ATF5: variants seen among roughly 807,000 people sequenced by gnomAD.
ATF5 encodes the protein cyclic AMP-dependent transcription factor ATF-5.
A neutral mutation model predicts 4.6 loss-of-function variants in ATF5; 6 were observed. The observed-to-expected ratio is 1.31, with a 90% CI of 0.72 to 2.59. ATF5 has a LOEUF of 2.59. Among genes scored for constraint, ATF5 ranks in the 30% most tolerant of loss-of-function variants. ATF5 has a pLI of 0.00. For synonymous variants in ATF5, 193 were observed against 165.0 expected, an observed-to-expected ratio of 1.17 and a Z score of -1.30; for missense variants, 410 against 368.7, an observed-to-expected ratio of 1.11 and a Z score of -0.92.
In ATF5 at chr19:49,929,513, G is replaced by C. The variant is rs543277763; in HGVS notation, c.-120+113G>C. The C allele has an allele frequency of 2.0e-5, 3 of 152,586 alleles. 1 individual carries two copies. The East Asian group carries it at 5.8e-4, about 29-fold the overall frequency. The allele number at this position is 152,586 out of a possible 1,614,324, so 9.5% of individuals were successfully genotyped here. Reference sequence around the variant, plus strand: ...GTCGCGAGCGGGGAATCACGGTCGCGCAGGCGCAGAAGTAGTACGGTGGGC... The same window carrying C: ...GTCGCGAGCGGGGAATCACGGTCGCCCAGGCGCAGAAGTAGTACGGTGGGC... On this transcript the variant is annotated intron_variant, in intron 1 of 2. Transcript: ENST00000423777.
chr19:49,931,386 G>A (rs2076061156), intron 2 of ATF5, among the ~76,000 whole-genome samples: 1 of 152,162 alleles, frequency 6.6e-6, no homozygotes, highest in Non-Finnish European at 1.5e-5. Context: ...AGCCAGGCAT[G>A]ATGGCCTGTA....
At position 49,932,585 on chromosome 19, in the gene ATF5, C is replaced by T. The variant is rs750367144; in HGVS notation, c.342C>T (p.Asp114=). ...AGAAGGAGCTGGAACAGATGGAAGA[C>T]TTCTTCCTAGATGCCCCGCCCCTCC... ...LLKKELEQME[D]FFLDAPPLPP... is the part of the protein sequence containing the mutation. The change falls in exon 3 of 3, where the codon GAC becomes GAT. Residue 114 remains aspartate (D), a synonymous_variant. Transcript: ENST00000423777. 7 of 1,587,124 alleles carry T rather than the reference C, an allele frequency of 4.4e-6. No individual in the cohort carries two copies. Among genetic ancestry groups the T allele is most frequent in the Non-Finnish European group, 6.0e-6 (7 of 1,169,596 alleles).
intron 1 of ATF5, chr19:49,930,491 C>T: frequency 4.7e-6 from 1 of 212,872 alleles, no homozygotes. Context: ...AGGGGTGGGG[C>T]ATCGGTCCTA....
At chr19:49,931,286 A>C in intron 2 of ATF5, 1 of 405,564 alleles carries the variant, frequency 2.5e-6, no homozygotes, top group Non-Finnish European at 4.3e-6. Context: ...GAGCTACAAA[A>C]TGACAAAGGG....
In ATF5 at chr19:49,932,531, T is replaced by G. The variant is rs767624471; in HGVS notation, c.288T>G (p.Pro96=). 14 of 1,090,646 alleles carry G rather than the reference T, an allele frequency of 1.3e-5. No individual in the cohort carries two copies. Among genetic ancestry groups the G allele is most frequent in the Non-Finnish European group, 1.2e-6 (1 of 856,456 alleles). The allele number at this position is 1,090,646 out of a possible 1,614,324, so 67.6% of individuals were successfully genotyped here. The change falls in exon 3 of 3, where the codon CCT becomes CCG. Residue 96 remains proline (P), a synonymous_variant. Coordinates refer to ENST00000423777, the MANE Select transcript of ATF5 (RefSeq NM_001193646.2). ...TCCCCCAACCTTCCCCAACCCCACC[T>G]GACCTGGAAGCTATGGCCTCCCTCC... ...GTLPQPSPTP[P]DLEAMASLLK...
intron 1 of ATF5, 199 bp downstream of exon 1, chr19:49,929,599 C>G (rs2076018773): frequency 6.6e-6 from 1 of 151,794 alleles, no homozygotes; most frequent in African/African-American, 2.4e-5. Flanking sequence ...GTTCTAGACT[C>G]GATGTTTGTC....
chr19:49,930,714 C>G lies in ATF5; in HGVS notation c.-119-18C>G, dbSNP rs1243216925. 4.4e-6 allele frequency: 3 copies of G among 682,598 alleles called. No individual in the cohort carries two copies. The highest frequency in any genetic ancestry group is 7.0e-6 in the Non-Finnish European group (3 of 430,208). The allele number at this position is 682,598 out of a possible 1,614,324, so 42.3% of individuals were successfully genotyped here. On this transcript the variant is annotated intron_variant, in intron 1 of 2. Transcript: ENST00000423777. ...TGACGCTGTCCTGACCACACCCACT[C>G]TTGTCTCACGCGTGTAGGTCTTCCA...
Position 49,931,014 on chromosome 19 carries a change from G to GA in ATF5, c.165dup (p.Glu56ArgfsTer6), listed in dbSNP as rs1316821983. The GA allele has an allele frequency of 6.5e-7, 1 of 1,549,622 alleles. No individual in the cohort carries two copies. The highest frequency in any genetic ancestry group is 1.2e-5 in the South Asian group (1 of 83,846). On this transcript the variant is annotated frameshift_variant, in exon 2 of 3. Coordinates refer to ENST00000423777, the MANE Select transcript of ATF5 (RefSeq NM_001193646.2). LOFTEE classifies it low-confidence loss of function (END_TRUNC). ...CTGGAGGGCGGGCTTCCAGTGGGGG[G>GA]AGAGCCCCTGGCAGGTAAGGGCAGG...
chr19:49,929,841 C>T, intron 1 of ATF5: 1 of 152,404 alleles, frequency 6.6e-6, no homozygotes, highest in Non-Finnish European at 1.5e-5. Context: ...CGGCGCAGAG[C>T]CGCGTGTGGA....
Position 49,929,308 on chromosome 19 carries a change from G to A in ATF5, c.-212G>A, listed in dbSNP as rs2076005961. ...TAGCCTCGACCCCTTTGTGCCCCCG[G>A]CCCGTCTCCGCGCTCACCACGCCTG... On this transcript the variant is annotated 5_prime_UTR_variant, in exon 1 of 3. Transcript: ENST00000423777. The A allele has an allele frequency of 1.3e-5, 2 of 154,456 alleles. No homozygotes were observed. The highest frequency in any genetic ancestry group is 2.0e-4 in the South Asian group (1 of 5,046). 9.6% of individuals were successfully genotyped at this position (154,456 alleles called of 1,614,324 possible). A position where few individuals can be genotyped will look rare whatever the true frequency, so the allele number is the denominator to read the frequency against.
In ATF5 at chr19:49,930,836, A is replaced by G. The variant is rs1014922955; in HGVS notation, c.-15A>G. On this transcript the variant is annotated 5_prime_UTR_variant, in exon 2 of 3. Transcript: ENST00000423777. ...TCTCCTGTTGCCATCAGTGCCCAGC[A>G]CCTGTGCTACAGCCATGTCACTCCT... 3 of 1,560,872 alleles carry G rather than the reference A, an allele frequency of 1.9e-6. No individual in the cohort carries two copies. In the African/African-American group the frequency reaches 4.1e-5, roughly 21 times the overall value.
chr19:49,930,973 G>A lies in ATF5; in HGVS notation c.123G>A (p.Glu41=), dbSNP rs1176466121. 3.8e-6 allele frequency: 6 copies of A among 1,585,304 alleles called. No homozygotes were observed. The highest frequency in any genetic ancestry group is 5.1e-6 in the Non-Finnish European group (6 of 1,166,506). ...PPAPAPLAPY[E]VLGGALEGGL... ...CCCCTGCCCCCCTGGCTCCCTATGA[G>A]GTCCTTGGGGGAGCCCTGGAGGGCG... The change falls in exon 2 of 3, where the codon GAG becomes GAA. Residue 41 remains glutamate (E), a synonymous_variant. Coordinates refer to ENST00000423777, the MANE Select transcript of ATF5 (RefSeq NM_001193646.2).
chr19:49,932,602 C>G lies in ATF5; in HGVS notation c.359C>G (p.Pro120Arg). The G allele has an allele frequency of 6.4e-7, 1 of 1,569,494 alleles. No homozygotes were observed. The highest frequency in any genetic ancestry group is 8.6e-7 in the Non-Finnish European group (1 of 1,158,268). The change falls in exon 3 of 3, where the codon CCG (proline) becomes CGG (arginine). Residue 120 changes from proline (P) to arginine (R), a missense_variant. Coordinates refer to ENST00000423777, the MANE Select transcript of ATF5 (RefSeq NM_001193646.2). ...EQMEDFFLDA[P>R]PLPPPSPPPL... The stretch of plus-strand genomic sequence containing the variant: ...ATGGAAGACTTCTTCCTAGATGCCC[C>G]GCCCCTCCCACCACCCTCCCCGCCG...
In ATF5 at chr19:49,933,349, T is replaced by G. The variant is rs2076086985; in HGVS notation, c.*257T>G. ...CCCACCAAACCACCCAACTCCTCTC[T>G]ACTCTTATCCTTTTATCCTCTGTCT... On this transcript the variant is annotated 3_prime_UTR_variant, in exon 3 of 3. Transcript: ENST00000423777. 2.4e-6 allele frequency: 1 copy of G among 412,728 alleles called. No individual in the cohort carries two copies. Among genetic ancestry groups the G allele is most frequent in the African/African-American group, 2.0e-5 (1 of 49,276 alleles). 25.6% of individuals were successfully genotyped at this position (412,728 alleles called of 1,614,324 possible).
At chr19:49,932,017 T>C (rs972546460) in intron 2 of ATF5, among the ~76,000 whole-genome samples, 20 of 152,110 alleles carry the variant, frequency 1.3e-4, no homozygotes, top group Middle Eastern at 3.4e-3. Context: ...ATTTTTTTTT[T>C]CTCCTGGACC....
In ATF5 at chr19:49,932,965, A is replaced by G; in HGVS notation, c.722A>G (p.Gln241Arg). The change falls in exon 3 of 3, where the codon CAG (glutamine) becomes CGG (arginine). Residue 241 changes from glutamine (Q) to arginine (R), a missense_variant. Transcript: ENST00000423777. Reference sequence around the variant, plus strand: ...GGTGAGGCCCTGGAGGGCGAGTGCCAGGGGCTGGAGGCACGGAATCGCGAG... The same window carrying G: ...GGTGAGGCCCTGGAGGGCGAGTGCCGGGGGCTGGAGGCACGGAATCGCGAG... The part of the protein sequence containing the change: ...AEGEALEGEC[Q>R]GLEARNRELK... 1 of 1,613,980 alleles carries G rather than the reference A, an allele frequency of 6.2e-7. No homozygotes were observed. The highest frequency in any genetic ancestry group is 1.1e-5 in the South Asian group (1 of 91,070).
chr19:49,932,601 C>T lies in ATF5; in HGVS notation c.358C>T (p.Pro120Ser). ...GATGGAAGACTTCTTCCTAGATGCCCCGCCCCTCCCACCACCCTCCCCGCC... is the reference window on the plus strand; with the variant it reads ...GATGGAAGACTTCTTCCTAGATGCCTCGCCCCTCCCACCACCCTCCCCGCC... ...EQMEDFFLDA[P>S]PLPPPSPPPL... The change falls in exon 3 of 3, where the codon CCG becomes TCG. Residue 120 changes from proline (P) to serine (S), a missense_variant. Pro to Ser is a moderately conservative substitution (Grantham distance 74, BLOSUM62 -1). Coordinates refer to ENST00000423777, the MANE Select transcript of ATF5 (RefSeq NM_001193646.2). 3 of 1,570,486 alleles carry T rather than the reference C, an allele frequency of 1.9e-6. No homozygotes were observed. Among genetic ancestry groups the T allele is most frequent in the Admixed American group, 1.8e-5 (1 of 55,192 alleles).
Position 49,932,504 on chromosome 19 carries a change from C to A in ATF5, c.261C>A (p.Thr87=). ...LPLEPPLPPG[T]LPQPSPTPPD... ...TGGAGCCTCCCTTACCCCCCGGCAC[C>A]CTCCCCCAACCTTCCCCAACCCCAC... Residue 87 remains threonine, a synonymous_variant, in exon 3 of 3, where the codon ACC becomes ACA. Transcript: ENST00000423777. 6.2e-7 allele frequency: 1 copy of A among 1,604,738 alleles called. No homozygotes were observed. The highest frequency in any genetic ancestry group is 1.4e-5 in the African/African-American group (1 of 74,030).
Position 49,932,603 on chromosome 19 carries a change from G to GCTCCTCCCCCCCCCCCCCC in ATF5, c.361_362insTCCTCCCCCCCCCCCCCCC (p.Pro121LeufsTer35). Reference sequence around the variant, plus strand: ...TGGAAGACTTCTTCCTAGATGCCCCGCCCCTCCCACCACCCTCCCCGCCGC... The same window carrying GCTCCTCCCCCCCCCCCCCC: ...TGGAAGACTTCTTCCTAGATGCCCCGCTCCTCCCCCCCCCCCCCCCCCCTCCCACCACCCTCCCCGCCGC... On this transcript the variant is annotated frameshift_variant, in exon 3 of 3. Coordinates refer to ENST00000423777, the MANE Select transcript of ATF5 (RefSeq NM_001193646.2). LOFTEE classifies it low-confidence loss of function (END_TRUNC). 3 of 1,396,406 alleles carry GCTCCTCCCCCCCCCCCCCC rather than the reference G, an allele frequency of 2.1e-6. No homozygotes were observed. Among genetic ancestry groups the GCTCCTCCCCCCCCCCCCCC allele is most frequent in the Non-Finnish European group, 9.5e-7 (1 of 1,049,914 alleles). The allele number at this position is 1,396,406 out of a possible 1,614,324, so 86.5% of individuals were successfully genotyped here.
Sources: gnomAD v4.1 joint callset for allele counts (sites outside exome capture counted in the v4.1 genomes callset) on GRCh38, gnomAD v4.1.1 for gene constraint, MANE v1.5 for transcripts, NCBI Gene and HGNC (gene_info 2026-07-23, HGNC 2026-07-21) for gene names.